MECOM: variants seen among roughly 807,000 people sequenced by gnomAD.
MECOM encodes the protein MDS1 and EVI1 complex locus.
A neutral mutation model predicts 116.3 loss-of-function variants in MECOM; 13 were observed. That is an observed-to-expected ratio of 0.11 (90% CI 0.07 to 0.18). The LOEUF is 0.18. MECOM is among the 10% of genes least tolerant of loss of function. The pLI is 1.00. For synonymous variants in MECOM, 528 were observed against 535.2 expected (o/e 0.99, Z 0.19); for missense variants, 1,299 against 1,509.0 (o/e 0.86, Z 2.31).
intron 1 of MECOM, among the ~76,000 whole-genome samples, chr3:169,398,459 A>G (rs1401489798): frequency 6.6e-6 from 1 of 152,212 alleles, no homozygotes; most frequent in Non-Finnish European, 1.5e-5. Context: ...CTGGGTCATC[A>G]AGATTGACAT....
intron 2 of MECOM, among the ~76,000 whole-genome samples, chr3:169,335,576 A>G (rs1367117997): frequency 2.0e-5 from 3 of 152,172 alleles, no homozygotes; most frequent in African/African-American, 7.2e-5. Context: ...GCAATCCTCA[A>G]TATAAGTATG....
intron 2 of MECOM, among the ~76,000 whole-genome samples, chr3:169,255,815 C>T (rs1172082929): frequency 6.6e-6 from 1 of 152,170 alleles, no homozygotes; most frequent in African/African-American, 2.4e-5. Context: ...ACAATTTCCA[C>T]ATCTGCTTTA....
intron 1 of MECOM, among the ~76,000 whole-genome samples, chr3:169,628,167 T>C (rs924966445): frequency 5.9e-5 from 9 of 152,218 alleles, no homozygotes; most frequent in African/African-American, 1.9e-4. Flanking sequence ...GAATTCCCAC[T>C]TCTTGGTGTT....
At chr3:169,546,207 A>G (rs1328668412) in intron 1 of MECOM, among the ~76,000 whole-genome samples, 1 of 152,140 alleles carries the variant, frequency 6.6e-6, no homozygotes, top group African/African-American at 2.4e-5. Context: ...CTTACTCTAT[A>G]TATGCTCTTC....
At chr3:169,389,698 G>T in intron 1 of MECOM, 1 of 415,716 alleles carries the variant, frequency 2.4e-6, no homozygotes, top group Non-Finnish European at 3.2e-6. Context: ...AATCTGAAAT[G>T]ACCAGAGTAC....
intron 1 of MECOM, among the ~76,000 whole-genome samples, chr3:169,622,083 C>T (rs1399128630): frequency 6.6e-6 from 1 of 152,086 alleles, no homozygotes. Context: ...CAGATGCCAA[C>T]AGAGGTTTGT....
intron 2 of MECOM, among the ~76,000 whole-genome samples, chr3:169,335,374 T>C (rs566026788): frequency 1.6e-3 from 248 of 152,276 alleles, no homozygotes; most frequent in African/African-American, 5.4e-3. Context: ...CTATTTTCCT[T>C]CAGCTCATGA....
intron 2 of MECOM, among the ~76,000 whole-genome samples, chr3:169,244,768 T>A (rs146110309): frequency 6.6e-6 from 1 of 152,324 alleles, no homozygotes; most frequent in East Asian, 1.9e-4. Context: ...GCTTCAATTA[T>A]CTGTAAGCAA....
At chr3:169,516,713 CAT>C (rs1421437503) in intron 1 of MECOM, among the ~76,000 whole-genome samples, 1 of 152,132 alleles carries the variant, frequency 6.6e-6, no homozygotes, top group Non-Finnish European at 1.5e-5. Flanking sequence ...TCTTCCATCA[CAT>C]GTTTGCAGGA....
At chr3:169,533,355 C>T (rs6791448) in intron 1 of MECOM, among the ~76,000 whole-genome samples, 6 of 152,106 alleles carry the variant, frequency 3.9e-5, no homozygotes, top group Non-Finnish European at 7.3e-5. Context: ...GGCATTGCTA[C>T]GATTTATGGT....
intron 2 of MECOM, among the ~76,000 whole-genome samples, chr3:169,248,682 G>A (rs1459748280): frequency 6.6e-6 from 1 of 152,128 alleles, no homozygotes; most frequent in Non-Finnish European, 1.5e-5. Flanking sequence ...GTTAAAATGA[G>A]CTGTTATCGT....
chr3:169,625,194 T>C (rs1771219674), intron 1 of MECOM, among the ~76,000 whole-genome samples: 1 of 152,198 alleles, frequency 6.6e-6, no homozygotes. Flanking sequence ...TAGTGAGACT[T>C]ATTTCTTAGA....
At chr3:169,233,744 T>G (rs1753693204) in intron 2 of MECOM, among the ~76,000 whole-genome samples, 1 of 152,110 alleles carries the variant, frequency 6.6e-6, no homozygotes, top group Admixed American at 6.6e-5. Flanking sequence ...AGGGTTAAGA[T>G]GGAGAATACT....
At chr3:169,417,151 A>G (rs1018910867) in intron 1 of MECOM, among the ~76,000 whole-genome samples, 15 of 151,564 alleles carry the variant, frequency 9.9e-5, no homozygotes, top group Non-Finnish European at 1.5e-4. Flanking sequence ...AAAAGAAACT[A>G]CCATCAGAGT....
At chr3:169,315,740 T>C (rs1379824331) in intron 2 of MECOM, among the ~76,000 whole-genome samples, 1 of 152,212 alleles carries the variant, frequency 6.6e-6, no homozygotes, top group Non-Finnish European at 1.5e-5. Flanking sequence ...TATTCCTTTG[T>C]AATAACAAAG....
At chr3:169,524,773 T>G (rs532515534) in intron 1 of MECOM, among the ~76,000 whole-genome samples, 2 of 152,330 alleles carry the variant, frequency 1.3e-5, no homozygotes, top group South Asian at 4.1e-4. Context: ...GAGCTTCGTT[T>G]CATTCTGCAA....
At chr3:169,454,039 C>T (rs1746048619) in intron 1 of MECOM, among the ~76,000 whole-genome samples, 1 of 152,154 alleles carries the variant, frequency 6.6e-6, no homozygotes, top group African/African-American at 2.4e-5. Flanking sequence ...CCTGTCCACC[C>T]TCCTCCATCA....
chr3:169,478,386 G>A (rs1750793035), intron 1 of MECOM, among the ~76,000 whole-genome samples: 3 of 152,112 alleles, frequency 2.0e-5, no homozygotes, highest in Admixed American at 6.5e-5. Flanking sequence ...TTGTTTTACA[G>A]CCACCTAGAG....
chr3:169,124,192 G>A (rs1007976301), intron 5 of MECOM, among the ~76,000 whole-genome samples: 13 of 152,060 alleles, frequency 8.5e-5, no homozygotes, highest in African/African-American at 3.1e-4. Flanking sequence ...AACACTGAGC[G>A]TAAATCCCAG....
Sources: gnomAD v4.1 joint callset for allele counts (sites outside exome capture counted in the v4.1 genomes callset) on GRCh38, gnomAD v4.1.1 for gene constraint, MANE v1.5 for transcripts, NCBI Gene and HGNC (gene_info 2026-07-23, HGNC 2026-07-21) for gene names.